RPTOR: variants seen among roughly 807,000 people sequenced by gnomAD.
RPTOR encodes regulatory associated protein of MTOR complex 1.
A neutral mutation model predicts 169.9 loss-of-function variants in RPTOR; 21 were observed. The observed-to-expected ratio is 0.12, with a 90% CI of 0.09 to 0.18. RPTOR has a LOEUF of 0.18. Ranked by LOEUF, RPTOR falls within the 10% of genes least tolerant of loss-of-function variation. RPTOR has a pLI of 1.00. For missense variants in RPTOR, 1,133 were observed against 1,855.9 expected, an observed-to-expected ratio of 0.61 and a Z score of 7.16; for synonymous variants, 732 against 753.2, an observed-to-expected ratio of 0.97 and a Z score of 0.46.
At chr17:80,764,964 G>A (rs943288413) in intron 6 of RPTOR, among the ~76,000 whole-genome samples, 4 of 152,162 alleles carry the variant, frequency 2.6e-5, no homozygotes, top group Non-Finnish European at 4.4e-5. Context: ...TAGCACATTT[G>A]CTGTTTGTGG....
chr17:80,949,561 G>C lies in RPTOR; in HGVS notation c.3370+14G>C. 1 of 1,606,680 alleles carries C rather than the reference G, an allele frequency of 6.2e-7. No homozygotes were observed. The highest frequency in any genetic ancestry group is 8.5e-7 in the Non-Finnish European group (1 of 1,173,956). On this transcript the variant is annotated intron_variant, in intron 28 of 33. Coordinates refer to ENST00000306801, the MANE Select transcript of RPTOR (RefSeq NM_020761.3). ...CAACGACGCGAGGTGGGTCCGCCCG[G>C]CTCCTCCCCAGAGCAGAATGTGTTC...
At chr17:80,940,042 C>T (rs2069004435) in intron 24 of RPTOR, among the ~76,000 whole-genome samples, 1 of 152,198 alleles carries the variant, frequency 6.6e-6, no homozygotes. Context: ...CACAACAGCC[C>T]GTGCCTCTGG....
In RPTOR at chr17:80,960,996, TCCTGA is replaced by T. The variant is rs1205804359; in HGVS notation, c.3606-395_3606-391del. On this transcript the variant is annotated intron_variant, in intron 30 of 33. Transcript: ENST00000306801. This position sits in a 1 kb window ranked among gnomAD's most constrained non-coding sequence, Gnocchi z 4.8. ...TCAGCTTTAGGTCTGGGATTCTCAT[TCCTGA>T]CCCTCCAGTCTGCACAGATCGGGGA... 9.3e-6 allele frequency: 2 copies of T among 214,364 alleles called. No homozygotes were observed. The highest frequency in any genetic ancestry group is 5.2e-5 in the Admixed American group (1 of 19,160). The allele number at this position is 214,364 out of a possible 1,614,324, so 13.3% of individuals were successfully genotyped here.
chr17:80,563,214 GTTTTTTT>G (rs5822358), intron 1 of RPTOR, among the ~76,000 whole-genome samples: 43,696 of 149,560 alleles, frequency 0.29, 6,346 homozygotes, highest in Middle Eastern at 0.36. Flanking sequence ...TCCCTGAAGA[GTTTTTTT>G]TTTTAATTTT....
chr17:80,666,449 A>G (rs2065780207), intron 3 of RPTOR, among the ~76,000 whole-genome samples: 1 of 152,164 alleles, frequency 6.6e-6, no homozygotes, highest in South Asian at 2.1e-4. Context: ...TGAGGCCGAA[A>G]CAAGTGACCC....
At chr17:80,573,809 C>T (rs968784941) in intron 1 of RPTOR, among the ~76,000 whole-genome samples, 1 of 152,108 alleles carries the variant, frequency 6.6e-6, no homozygotes, top group Non-Finnish European at 1.5e-5. Context: ...CACCTTACAC[C>T]CCTCTACTCC....
At chr17:80,670,027 T>G (rs1372135557) in intron 3 of RPTOR, among the ~76,000 whole-genome samples, 3 of 152,244 alleles carry the variant, frequency 2.0e-5, no homozygotes, top group Non-Finnish European at 4.4e-5. Context: ...TTGGAAGCTT[T>G]AGATGTACAA....
At chr17:80,694,117 G>A (rs1351836732) in intron 3 of RPTOR, among the ~76,000 whole-genome samples, 1 of 152,262 alleles carries the variant, frequency 6.6e-6, no homozygotes, top group Non-Finnish European at 1.5e-5. Flanking sequence ...AAATACAGGC[G>A]GCTCTGACAT....
At chr17:80,881,551 GC>G (rs2068186240) in intron 14 of RPTOR, among the ~76,000 whole-genome samples, 1 of 152,248 alleles carries the variant, frequency 6.6e-6, no homozygotes, top group African/African-American at 2.4e-5. Flanking sequence ...GGGTATGGTG[GC>G]TCACACCTGT....
intron 6 of RPTOR, among the ~76,000 whole-genome samples, chr17:80,766,057 CTT>C (rs2066783819): frequency 6.6e-6 from 1 of 152,118 alleles, no homozygotes; most frequent in Non-Finnish European, 1.5e-5. Flanking sequence ...CTAGCATGTA[CTT>C]TTTAAATTTT....
At chr17:80,904,008 G>A (rs1421427019) in intron 20 of RPTOR, among the ~76,000 whole-genome samples, 1 of 152,246 alleles carries the variant, frequency 6.6e-6, no homozygotes, top group Non-Finnish European at 1.5e-5. Context: ...CTTAACTAAA[G>A]GCCATTATGA....
chr17:80,809,237 G>C (rs912761266), intron 7 of RPTOR, among the ~76,000 whole-genome samples: 7 of 152,152 alleles, frequency 4.6e-5, no homozygotes, highest in Non-Finnish European at 1.0e-4. Flanking sequence ...TCTTGTCCAG[G>C]CTGCAGTGCA....
At chr17:80,763,508 T>C (rs977835672) in intron 6 of RPTOR, among the ~76,000 whole-genome samples, 2 of 152,068 alleles carry the variant, frequency 1.3e-5, no homozygotes, top group Non-Finnish European at 2.9e-5. Context: ...AGATGGGAGC[T>C]GAAGTGTGGA....
chr17:80,952,517 G>A (rs537800885), intron 28 of RPTOR, among the ~76,000 whole-genome samples: 14 of 152,320 alleles, frequency 9.2e-5, no homozygotes, highest in Admixed American at 7.2e-4. Flanking sequence ...CGCCTCTCCC[G>A]GACCCGCTTG....
intron 3 of RPTOR, among the ~76,000 whole-genome samples, chr17:80,699,292 G>A (rs566986749): frequency 1.8e-4 from 27 of 152,236 alleles, no homozygotes; most frequent in Non-Finnish European, 3.4e-4. Context: ...AGCAGGTAGA[G>A]TCCAGTACCC....
intron 7 of RPTOR, among the ~76,000 whole-genome samples, chr17:80,819,137 C>T (rs2067353974): frequency 6.6e-6 from 1 of 152,218 alleles, no homozygotes; most frequent in Non-Finnish European, 1.5e-5. Flanking sequence ...CCGCCAGCTG[C>T]TCGAGCTGTG....
chr17:80,911,242 T>C (rs1255679666), intron 21 of RPTOR, among the ~76,000 whole-genome samples: 3 of 152,154 alleles, frequency 2.0e-5, no homozygotes, highest in Non-Finnish European at 4.4e-5. Flanking sequence ...ACTCTGCCAC[T>C]TCCTTCGTCA....
intron 3 of RPTOR, among the ~76,000 whole-genome samples, chr17:80,694,090 G>A (rs574347665): frequency 2.0e-5 from 3 of 152,390 alleles, no homozygotes; most frequent in African/African-American, 4.8e-5. Context: ...GAAGATTTGC[G>A]TTTACAGCTG....
intron 24 of RPTOR, among the ~76,000 whole-genome samples, chr17:80,928,847 A>T (rs1358539777): frequency 6.6e-5 from 10 of 152,224 alleles, no homozygotes. Context: ...TCAAAAATTG[A>T]TTCTATCCAG....
Sources: allele counts gnomAD v4.1 joint callset (sites outside exome capture counted in the v4.1 genomes callset), GRCh38; gene constraint gnomAD v4.1.1; non-coding constraint Gnocchi (gnomAD v3.1); transcripts MANE v1.5; gene names NCBI Gene and HGNC (gene_info 2026-07-23, HGNC 2026-07-21).